SLC39A11: variants seen among roughly 807,000 people sequenced by gnomAD.
SLC39A11 encodes the protein zinc transporter ZIP11.
In SLC39A11, 33 loss-of-function variants were observed where a neutral mutation model predicts 36.1. The observed-to-expected ratio is 0.91, with a 90% CI of 0.69 to 1.22. The LOEUF (loss-of-function observed/expected upper bound fraction) is 1.22, where lower values mean the gene tolerates loss of function less well. Among genes scored for constraint, SLC39A11 ranks in the 50% most tolerant of loss-of-function variants. SLC39A11 has a pLI of 0.00. For missense variants in SLC39A11, 432 were observed against 430.3 expected (o/e 1.00, Z -0.03); for synonymous variants, 166 against 170.3 (o/e 0.97, Z 0.20).
chr17:72,996,267 G>C (rs1232664740), intron 4 of SLC39A11, among the ~76,000 whole-genome samples: 5 of 152,180 alleles, frequency 3.3e-5, no homozygotes, highest in Non-Finnish European at 7.3e-5. Context: ...GTGGCCGCTT[G>C]AACGTTTGGC....
intron 7 of SLC39A11, among the ~76,000 whole-genome samples, chr17:72,710,470 G>A (rs900878115): frequency 6.6e-6 from 1 of 152,172 alleles, no homozygotes; most frequent in African/African-American, 2.4e-5. Flanking sequence ...TATAAAAGAG[G>A]TTGAAGGGAA....
chr17:73,072,632 C>CTTCCCCACTT (rs1194460484), intron 3 of SLC39A11: 2 of 152,246 alleles, frequency 1.3e-5, no homozygotes, highest in Admixed American at 1.3e-4. Context: ...TTCTTCCTTC[C>CTTCCCCACTT]TTCCCCACTT....
At chr17:72,977,897 G>A (rs2087980267) in intron 4 of SLC39A11, among the ~76,000 whole-genome samples, 1 of 152,220 alleles carries the variant, frequency 6.6e-6, no homozygotes, top group Non-Finnish European at 1.5e-5. Flanking sequence ...GTGCCCAGGA[G>A]ACCGACTGCA....
intron 4 of SLC39A11, among the ~76,000 whole-genome samples, chr17:73,015,576 ATTATTT>A (rs1450363005): frequency 1.3e-5 from 2 of 151,800 alleles, no homozygotes; most frequent in African/African-American, 2.4e-5. Context: ...CAGGGAGGCG[ATTATTT>A]TTATTTTTAT....
At chr17:72,940,279 T>G (rs1233616486) in intron 5 of SLC39A11, among the ~76,000 whole-genome samples, 2 of 149,518 alleles carry the variant, frequency 1.3e-5, no homozygotes, top group African/African-American at 5.0e-5. Flanking sequence ...CCATCTGACT[T>G]TTTTTTTTTT....
chr17:72,881,143 AT>A (rs1339270910), intron 5 of SLC39A11, among the ~76,000 whole-genome samples: 11 of 151,978 alleles, frequency 7.2e-5, no homozygotes, highest in African/African-American at 2.7e-4. Context: ...CATACGGTCC[AT>A]TTCACTCCTT....
chr17:73,030,038 T>G (rs984206422), intron 4 of SLC39A11, among the ~76,000 whole-genome samples: 23 of 152,060 alleles, frequency 1.5e-4, no homozygotes, highest in African/African-American at 5.6e-4. Flanking sequence ...CCACCTCAGA[T>G]CATCAGGCAT....
Position 72,787,339 on chromosome 17 carries a change from G to A in SLC39A11, c.602-50620C>T, listed in dbSNP as rs954414288. Among the ~76,000 whole-genome samples the A allele has an allele frequency of 8.4e-5, 11 of 131,610 alleles. No individual in the cohort carries two copies. In the South Asian group the frequency reaches 2.8e-3, roughly 34 times the overall value. 86.3% of individuals were successfully genotyped at this position (131,610 alleles called of 152,430 possible). On this transcript the variant is annotated intron_variant, in intron 6 of 9. Coordinates refer to ENST00000255559, the MANE Select transcript of SLC39A11 (RefSeq NM_139177.4). ...GTGGCGCAATCTCGGCTCACTGCAA[G>A]CTCCACCTCCCGGGTTCACGCCATT... is the stretch of plus-strand genomic sequence containing the variant.
At chr17:72,748,223 T>C (rs898325754) in intron 6 of SLC39A11, among the ~76,000 whole-genome samples, 1 of 151,712 alleles carries the variant, frequency 6.6e-6, no homozygotes, top group African/African-American at 2.4e-5. Flanking sequence ...TTGGGAGGGT[T>C]AGGCTGGAGA....
At chr17:72,968,845 G>T (rs751380704) in intron 4 of SLC39A11, among the ~76,000 whole-genome samples, 3 of 152,154 alleles carry the variant, frequency 2.0e-5, no homozygotes, top group Non-Finnish European at 2.9e-5. Flanking sequence ...TGAAAGGAAA[G>T]AATTATTTTT....
intron 6 of SLC39A11, among the ~76,000 whole-genome samples, chr17:72,743,363 A>ATCC (rs2144150163): frequency 6.6e-6 from 1 of 152,312 alleles, no homozygotes; most frequent in South Asian, 2.1e-4. Context: ...GAGCAAAGGG[A>ATCC]ATGCATTTTC....
At chr17:73,016,365 G>A (rs1056541105) in intron 4 of SLC39A11, among the ~76,000 whole-genome samples, 16 of 149,296 alleles carry the variant, frequency 1.1e-4, no homozygotes, top group Non-Finnish European at 1.0e-4. Context: ...ACAAAGTCTC[G>A]CTCTGTTGCC....
Position 73,024,367 on chromosome 17 carries a change from T to G in SLC39A11, c.306+7189A>C, listed in dbSNP as rs60541678. Among the ~76,000 whole-genome samples, 416 of 152,368 alleles carry G rather than the reference T, an allele frequency of 2.7e-3. 1 individual carries two copies. Among genetic ancestry groups the G allele is most frequent in the East Asian group, 0.017 (90 of 5,188 alleles). ...TCCTAAAAATGGGGCAAAGGGCTAC[T>G]GTTCAATGTCCCCACGAAACGAGTC... On this transcript the variant is annotated intron_variant, in intron 4 of 9. Transcript: ENST00000255559.
intron 5 of SLC39A11, among the ~76,000 whole-genome samples, chr17:72,884,292 G>A (rs571970455): frequency 2.6e-5 from 4 of 152,348 alleles, no homozygotes; most frequent in Admixed American, 1.3e-4. Context: ...TCTTTGTACT[G>A]TTGCCCAGCC....
intron 6 of SLC39A11, among the ~76,000 whole-genome samples, chr17:72,838,747 G>A (rs1050238104): frequency 3.9e-5 from 6 of 152,134 alleles, no homozygotes; most frequent in African/African-American, 1.4e-4. Flanking sequence ...AGTAGGGTCA[G>A]TAACCATTTA....
chr17:72,721,087 C>CTT (rs56090007), intron 7 of SLC39A11, among the ~76,000 whole-genome samples: 26 of 126,532 alleles, frequency 2.1e-4, no homozygotes, highest in African/African-American at 4.0e-4. Context: ...TGTCCCTCGC[C>CTT]TTTTTTTTTT....
chr17:72,936,898 C>A (rs1345281743), intron 5 of SLC39A11, among the ~76,000 whole-genome samples: 1 of 152,164 alleles, frequency 6.6e-6, no homozygotes, highest in Non-Finnish European at 1.5e-5. Flanking sequence ...TGCTGTTGAT[C>A]TGGCTGGACT....
chr17:72,714,610 C>T (rs992560602), intron 7 of SLC39A11, among the ~76,000 whole-genome samples: 1 of 152,174 alleles, frequency 6.6e-6, no homozygotes, highest in East Asian at 1.9e-4. Context: ...TTCATTTACC[C>T]CTTCAGGAAA....
intron 3 of SLC39A11, among the ~76,000 whole-genome samples, chr17:73,060,652 G>T (rs972683654): frequency 6.6e-6 from 1 of 151,362 alleles, no homozygotes; most frequent in Non-Finnish European, 1.5e-5. Flanking sequence ...TTGTAAAGGG[G>T]AGATATTATA....
Sources: gnomAD v4.1 joint callset for allele counts (sites outside exome capture counted in the v4.1 genomes callset) on GRCh38, gnomAD v4.1.1 for gene constraint, MANE v1.5 for transcripts, NCBI Gene and HGNC (gene_info 2026-07-23, HGNC 2026-07-21) for gene names.